Variants in DLGAP4 observed in about 807,000 individuals in gnomAD.
The protein encoded by DLGAP4 is DLG associated protein 4, also known as disks large-associated protein 4.
DLGAP4 carries 18 observed loss-of-function variants against 86.9 expected under a neutral mutation model. The observed-to-expected ratio is 0.21, with a 90% CI of 0.14 to 0.31. The LOEUF (loss-of-function observed/expected upper bound fraction) is 0.31. DLGAP4 is among the 10% of genes least tolerant of loss of function. The probability of loss-of-function intolerance (pLI) is 1.00; values close to 1 mark genes in which losing one functional copy is unlikely to be tolerated. For missense variants in DLGAP4, 1,085 were observed against 1,362.6 expected, an observed-to-expected ratio of 0.80 and a Z score of 3.21; for synonymous variants, 548 against 574.3, an observed-to-expected ratio of 0.95 and a Z score of 0.65.
intron 7 of DLGAP4, among the ~76,000 whole-genome samples, chr20:36,464,871 C>G (rs6096201): frequency 6.6e-6 from 1 of 151,874 alleles, no homozygotes; most frequent in Non-Finnish European, 1.5e-5. Flanking sequence ...AAAGAAGAAA[C>G]TGTTCCAGAG....
rs541938231 is a variant in DLGAP4, at chr20:36,389,218, G to A, written c.-73+21943G>A. 1.3e-5 allele frequency among the ~76,000 whole-genome samples: 2 copies of A among 152,328 alleles called. 1 individual carries two copies. The highest frequency in any genetic ancestry group is 4.8e-5 in the African/African-American group (2 of 41,568). On this transcript the variant is annotated intron_variant, in intron 2 of 12. Coordinates refer to ENST00000339266, the MANE Select transcript of DLGAP4 (RefSeq NM_001365621.2). ...AGGATTCCAGGCCTGATGTGTCAAT[G>A]TGGGGGTCATCAGACCTTCCCAGAC... is the stretch of plus-strand genomic sequence containing the variant.
intron 1 of DLGAP4, among the ~76,000 whole-genome samples, chr20:36,328,444 G>T (rs1209620507): frequency 6.6e-6 from 1 of 150,770 alleles, no homozygotes; most frequent in Non-Finnish European, 1.5e-5. Flanking sequence ...AACAGCAATG[G>T]TTCATCTTAT....
chr20:36,341,975 G>T (rs1458232187), intron 1 of DLGAP4, among the ~76,000 whole-genome samples: 1 of 152,218 alleles, frequency 6.6e-6, no homozygotes, highest in Non-Finnish European at 1.5e-5. Context: ...TGAGCAGATT[G>T]AAGAGTGGGA....
chr20:36,522,829 G>A (rs2037460817), intron 10 of DLGAP4, among the ~76,000 whole-genome samples: 2 of 152,116 alleles, frequency 1.3e-5, no homozygotes, highest in South Asian at 2.1e-4. Flanking sequence ...GTTGGGGATG[G>A]GTGGCACTGT....
intron 10 of DLGAP4, among the ~76,000 whole-genome samples, chr20:36,514,595 A>G (rs6024538): frequency 0.045 from 6,862 of 152,122 alleles, 545 homozygotes; most frequent in African/African-American, 0.16. Flanking sequence ...TTTCTTTTTT[A>G]TAGAGATGCA....
At chr20:36,516,395 G>A (rs1015923026) in intron 10 of DLGAP4, among the ~76,000 whole-genome samples, 11 of 152,218 alleles carry the variant, frequency 7.2e-5, no homozygotes, top group East Asian at 1.9e-4. Context: ...GGCTGGGCAC[G>A]GTGGCTCATG....
intron 12 of DLGAP4, among the ~76,000 whole-genome samples, chr20:36,526,447 C>A (rs564078067): frequency 3.9e-5 from 6 of 152,240 alleles, no homozygotes; most frequent in Admixed American, 2.0e-4. Context: ...CCTGTCTAAT[C>A]CCCTAGAATA....
chr20:36,317,452 TC>T (rs2065120296), intron 1 of DLGAP4, among the ~76,000 whole-genome samples: 3 of 140,330 alleles, frequency 2.1e-5, no homozygotes, highest in Admixed American at 7.2e-5. Context: ...TCCTTTCTTT[TC>T]CTTCTCTTTC....
intron 7 of DLGAP4, 69 bp downstream of exon 7, chr20:36,447,006 G>A: frequency 6.5e-7 from 1 of 1,529,812 alleles, no homozygotes; most frequent in Non-Finnish European, 8.8e-7. Context: ...TACCTGGAGG[G>A]CCAGCCTGGG....
At chr20:36,505,209 G>A (rs1322264312) in intron 10 of DLGAP4, among the ~76,000 whole-genome samples, 1 of 151,700 alleles carries the variant, frequency 6.6e-6, no homozygotes, top group African/African-American at 2.4e-5. Context: ...GGGTAGTCTC[G>A]AACTCCTGAC....
Position 36,500,634 on chromosome 20 carries a change from T to C in DLGAP4, c.2512+23T>C. ...AAGGTGGGTGCCACATGGATGGTCC[T>C]TGGGCAAGGGTAGAAGGTGTTGGCA... On this transcript the variant is annotated intron_variant, in intron 10 of 12. Coordinates refer to ENST00000339266, the MANE Select transcript of DLGAP4 (RefSeq NM_001365621.2). The surrounding 1 kb of genome is among the most constrained non-coding windows in gnomAD (Gnocchi z 4.6). 1 of 1,468,256 alleles carries C rather than the reference T, an allele frequency of 6.8e-7. No homozygotes were observed. The highest frequency in any genetic ancestry group is 9.0e-7 in the Non-Finnish European group (1 of 1,109,358). The allele number at this position is 1,468,256 out of a possible 1,614,324, so 91.0% of individuals were successfully genotyped here. A position where few individuals can be genotyped will look rare whatever the true frequency, so the allele number is the denominator to read the frequency against.
At chr20:36,513,118 T>G (rs541925846) in intron 10 of DLGAP4, among the ~76,000 whole-genome samples, 8 of 151,058 alleles carry the variant, frequency 5.3e-5, no homozygotes, top group Admixed American at 5.3e-4. Flanking sequence ...GGCTGGGAGT[T>G]TTACCAAGTT....
intron 1 of DLGAP4, among the ~76,000 whole-genome samples, chr20:36,335,533 G>A (rs2065312669): frequency 6.6e-6 from 1 of 152,124 alleles, no homozygotes; most frequent in Admixed American, 6.5e-5. Flanking sequence ...TGTGACTGTC[G>A]AGACTGTGGG....
intron 10 of DLGAP4, among the ~76,000 whole-genome samples, chr20:36,505,041 G>A (rs974655784): frequency 6.6e-6 from 1 of 150,942 alleles, no homozygotes; most frequent in Non-Finnish European, 1.5e-5. Context: ...AGACTGGAGT[G>A]CCGTGACGTG....
At chr20:36,391,096 A>G (rs1185609203) in intron 2 of DLGAP4, among the ~76,000 whole-genome samples, 1 of 152,062 alleles carries the variant, frequency 6.6e-6, no homozygotes, top group Admixed American at 6.5e-5. Context: ...AACTCAGCTG[A>G]GGGGCCCCAC....
chr20:36,382,869 T>C (rs2147448270), intron 2 of DLGAP4, among the ~76,000 whole-genome samples: 1 of 152,244 alleles, frequency 6.6e-6, no homozygotes, highest in Admixed American at 6.5e-5. Context: ...ATAATTGTCC[T>C]TGTCTTGTCT....
chr20:36,523,368 A>G (rs750199903), intron 10 of DLGAP4, among the ~76,000 whole-genome samples: 10 of 152,218 alleles, frequency 6.6e-5, no homozygotes, highest in Non-Finnish European at 1.2e-4. Context: ...AGACTTCTCG[A>G]TTAGGATATT....
intron 2 of DLGAP4, among the ~76,000 whole-genome samples, chr20:36,382,127 G>A (rs570164789): frequency 2.0e-5 from 3 of 152,226 alleles, no homozygotes; most frequent in Non-Finnish European, 4.4e-5. Context: ...TGGAGGTGGA[G>A]AAGCAGCCTG....
chr20:36,374,462 G>A (rs2031073278), intron 2 of DLGAP4, among the ~76,000 whole-genome samples: 1 of 152,218 alleles, frequency 6.6e-6, no homozygotes, highest in Admixed American at 6.5e-5. Flanking sequence ...ACTATAGGAT[G>A]AGAGGAGGCA....
Sources: gnomAD v4.1 joint callset for allele counts (sites outside exome capture counted in the v4.1 genomes callset) on GRCh38, gnomAD v4.1.1 for gene constraint, Gnocchi (gnomAD v3.1) non-coding constraint, MANE v1.5 for transcripts, NCBI Gene and HGNC (gene_info 2026-07-23, HGNC 2026-07-21) for gene names.